PKN2: variants seen among roughly 807,000 people sequenced by gnomAD.
The protein encoded by PKN2 is serine/threonine-protein kinase N2.
Under a neutral mutation model 119.1 loss-of-function variants are expected in PKN2, and 38 were observed. The ratio of observed to expected loss-of-function variants is 0.32; its 90% CI spans 0.25 to 0.42. PKN2 has a LOEUF of 0.42. PKN2 is among the 10% of genes least tolerant of loss of function. PKN2 has a pLI of 1.00. For synonymous variants in PKN2, 390 were observed against 384.9 expected, an observed-to-expected ratio of 1.01 and a Z score of -0.15; for missense variants, 850 against 1,165.1, an observed-to-expected ratio of 0.73 and a Z score of 3.94.
At position 88,824,357 on chromosome 1, in the gene PKN2, A is replaced by G; in HGVS notation, c.2390A>G (p.Lys797Arg). 1 of 1,601,398 alleles carries G rather than the reference A, an allele frequency of 6.2e-7. No homozygotes were observed. Among genetic ancestry groups the G allele is most frequent in the Non-Finnish European group, 8.6e-7 (1 of 1,168,994 alleles). The change falls in exon 18 of 22, where the codon AAA becomes AGA. Residue 797 changes from lysine to arginine, a missense_variant. Transcript: ENST00000370521. ...NLLLDTEGFV[K>R]IADFGLCKEG... is the part of the protein sequence containing the mutation. ...TTGCTAGATACAGAGGGCTTTGTGA[A>G]AATTGCTGATTTTGGTCTTTGCAAA... is the stretch of plus-strand genomic sequence containing the variant.
chr1:88,772,664 T>G (rs543593018), intron 6 of PKN2, among the ~76,000 whole-genome samples: 1 of 152,288 alleles, frequency 6.6e-6, no homozygotes, highest in South Asian at 2.1e-4. Flanking sequence ...TGCTTGAACA[T>G]CTGTTTTCAA....
intron 1 of PKN2, among the ~76,000 whole-genome samples, chr1:88,710,797 T>G (rs1195330742): frequency 6.6e-6 from 1 of 152,202 alleles, no homozygotes; most frequent in Non-Finnish European, 1.5e-5. Context: ...TTCATTATTT[T>G]GTATATACCC....
chr1:88,722,200 T>A (rs1183320942), intron 1 of PKN2, among the ~76,000 whole-genome samples: 1 of 151,864 alleles, frequency 6.6e-6, no homozygotes, highest in African/African-American at 2.4e-5. Context: ...ACAGGGAAAT[T>A]AGTCTGTTAA....
At chr1:88,702,429 T>C (rs1413173000) in intron 1 of PKN2, among the ~76,000 whole-genome samples, 2 of 152,234 alleles carry the variant, frequency 1.3e-5, no homozygotes, top group Non-Finnish European at 2.9e-5. Context: ...TATGTCCTTT[T>C]TATTTTTTCA....
chr1:88,725,097 T>C (rs553853744), intron 1 of PKN2, among the ~76,000 whole-genome samples: 2 of 152,176 alleles, frequency 1.3e-5, no homozygotes, highest in East Asian at 3.9e-4. Context: ...TTTGTGAATA[T>C]GCCACAATAT....
chr1:88,823,000 C>T (rs1672357993), intron 17 of PKN2, among the ~76,000 whole-genome samples: 1 of 152,120 alleles, frequency 6.6e-6, no homozygotes, highest in South Asian at 2.1e-4. Flanking sequence ...GGGAGGATTG[C>T]TTCAGTCTAG....
chr1:88,795,569 A>C (rs1237873430), intron 8 of PKN2, among the ~76,000 whole-genome samples: 1 of 152,206 alleles, frequency 6.6e-6, no homozygotes, highest in African/African-American at 2.4e-5. Flanking sequence ...ATAGTGTCTA[A>C]TTTAATCCTC....
At chr1:88,804,999 A>G (rs1028142383) in intron 10 of PKN2, 78 bp downstream of exon 10, 1 of 678,544 alleles carries the variant, frequency 1.5e-6, no homozygotes, top group African/African-American at 1.9e-5. Context: ...AGTAATAGCC[A>G]TCTGTGTGGG....
At chr1:88,823,835 C>T (rs1267911461) in intron 17 of PKN2, among the ~76,000 whole-genome samples, 1 of 151,274 alleles carries the variant, frequency 6.6e-6, no homozygotes, top group Non-Finnish European at 1.5e-5. Flanking sequence ...ATAGTGAAAC[C>T]GCCTCTCTAA....
intron 1 of PKN2, among the ~76,000 whole-genome samples, chr1:88,702,339 A>G (rs555747493): frequency 1.5e-4 from 23 of 152,318 alleles, no homozygotes; most frequent in African/African-American, 5.5e-4. Flanking sequence ...CAAGGAGGGT[A>G]GGATAATAGG....
At chr1:88,723,206 C>T (rs1002089358) in intron 1 of PKN2, among the ~76,000 whole-genome samples, 5 of 151,786 alleles carry the variant, frequency 3.3e-5, no homozygotes, top group Admixed American at 6.6e-5. Context: ...CTCCACCTCC[C>T]GGGTTCAAGC....
intron 7 of PKN2, 53 bp from the exon 8 acceptor site, chr1:88,786,051 G>GT (rs1670559186): frequency 2.7e-6 from 3 of 1,099,774 alleles, no homozygotes; most frequent in South Asian, 2.6e-5. Flanking sequence ...CAGTACTTCT[G>GT]TTTTTTATAA....
At chr1:88,720,967 T>C (rs1667653026) in intron 1 of PKN2, among the ~76,000 whole-genome samples, 1 of 152,234 alleles carries the variant, frequency 6.6e-6, no homozygotes, top group East Asian at 1.9e-4. Flanking sequence ...TTTGTTCCTT[T>C]TTATGGCTTA....
chr1:88,778,718 CT>C (rs773253937), intron 6 of PKN2, among the ~76,000 whole-genome samples: 254 of 145,310 alleles, frequency 1.7e-3, no homozygotes, highest in Admixed American at 3.4e-3. Context: ...CAAAGATTTT[CT>C]TTTTTTTTTT....
chr1:88,824,083 A>C (rs1224687526), intron 17 of PKN2, among the ~76,000 whole-genome samples: 1 of 152,056 alleles, frequency 6.6e-6, no homozygotes. Flanking sequence ...TTTTTATGTA[A>C]CAGGAGAAGA....
At chr1:88,724,766 G>T (rs1400589649) in intron 1 of PKN2, among the ~76,000 whole-genome samples, 1 of 150,790 alleles carries the variant, frequency 6.6e-6, no homozygotes, top group Non-Finnish European at 1.5e-5. Flanking sequence ...TAGAGACAGG[G>T]TTTCACCATG....
At chr1:88,744,782 TA>T (rs1304991054) in intron 2 of PKN2, among the ~76,000 whole-genome samples, 4 of 152,236 alleles carry the variant, frequency 2.6e-5, no homozygotes, top group East Asian at 1.9e-4. Context: ...TTCTTGTTTG[TA>T]AAATAAGGAT....
Position 88,741,189 on chromosome 1 carries a change from A to G in PKN2, c.250A>G (p.Asn84Asp), listed in dbSNP as rs775357803. Reference protein sequence around the residue: ...TDKKSLAYVDNILKKSNKKLE... With the variant: ...TDKKSLAYVDDILKKSNKKLE... ...TAAAAAAAGTTTGGCTTATGTAGAC[A>G]ACATTTTGAAAAAATCAAATAAAAA... The change falls in exon 2 of 22, where the codon AAC becomes GAC. Residue 84 changes from asparagine to aspartate, a missense_variant. Transcript: ENST00000370521. The G allele has an allele frequency of 6.2e-7, 1 of 1,603,748 alleles. No homozygotes were observed. The highest frequency in any genetic ancestry group is 1.1e-5 in the South Asian group (1 of 88,040).
chr1:88,687,608 G>A (rs1570474019), intron 1 of PKN2, among the ~76,000 whole-genome samples: 1 of 152,110 alleles, frequency 6.6e-6, no homozygotes, highest in East Asian at 1.9e-4. Flanking sequence ...GTTGATTATT[G>A]GAGATTCATT....
Sources: gnomAD v4.1 joint callset for allele counts (sites outside exome capture counted in the v4.1 genomes callset) on GRCh38, gnomAD v4.1.1 for gene constraint, MANE v1.5 for transcripts, NCBI Gene and HGNC (gene_info 2026-07-23, HGNC 2026-07-21) for gene names.